The following ARHGAP26 variants were observed in gnomAD, a reference collection of about 807,000 sequenced individuals.
ARHGAP26 encodes rho GTPase-activating protein 26.
A neutral mutation model predicts 104.8 loss-of-function variants in ARHGAP26; 38 were observed. That is an observed-to-expected ratio of 0.36 (90% confidence interval 0.28 to 0.48). The LOEUF (loss-of-function observed/expected upper bound fraction) is 0.48, where lower values mean the gene tolerates loss of function less well. ARHGAP26 is among the 20% of genes least tolerant of loss of function. ARHGAP26 has a pLI of 0.99. For synonymous variants in ARHGAP26, 341 were observed against 340.0 expected, an observed-to-expected ratio of 1.00 and a Z score of -0.03; for missense variants, 704 against 947.9, an observed-to-expected ratio of 0.74 and a Z score of 3.38.
intron 20 of ARHGAP26, among the ~76,000 whole-genome samples, chr5:143,155,205 G>A (rs1243077770): frequency 6.6e-6 from 1 of 152,194 alleles, no homozygotes; most frequent in Non-Finnish European, 1.5e-5. Context: ...TGCCCTTGGG[G>A]ATTCCAGCTT....
chr5:143,206,933 TG>T (rs1709271590), intron 20 of ARHGAP26, among the ~76,000 whole-genome samples: 3 of 152,252 alleles, frequency 2.0e-5, no homozygotes, highest in Admixed American at 6.5e-5. Context: ...CCAATGTACA[TG>T]ATCGAAGAAG....
At chr5:142,784,661 G>A (rs760771190) in intron 1 of ARHGAP26, among the ~76,000 whole-genome samples, 2 of 152,154 alleles carry the variant, frequency 1.3e-5, no homozygotes, top group Non-Finnish European at 2.9e-5. Context: ...TGGGCAGCAT[G>A]GGGGTAGGCG....
intron 20 of ARHGAP26, among the ~76,000 whole-genome samples, chr5:143,156,387 T>G (rs1800463850): frequency 6.6e-6 from 1 of 152,220 alleles, no homozygotes; most frequent in East Asian, 1.9e-4. Context: ...TGGTCTCTGT[T>G]ACACTGGTCT....
chr5:143,105,391 A>AAATAAATAAATG (rs1425726132), intron 17 of ARHGAP26, among the ~76,000 whole-genome samples: 1 of 145,408 alleles, frequency 6.9e-6, no homozygotes, highest in Admixed American at 6.7e-5. Flanking sequence ...ATAAATAAAT[A>AAATAAATAAATG]AATAAATAAA....
chr5:142,969,860 C>T (rs560998143), intron 11 of ARHGAP26, among the ~76,000 whole-genome samples: 2 of 152,256 alleles, frequency 1.3e-5, no homozygotes, highest in African/African-American at 2.4e-5. Context: ...TGCATAGTCT[C>T]TTTGCTCTTT....
intron 20 of ARHGAP26, among the ~76,000 whole-genome samples, chr5:143,189,419 A>G (rs1599431871): frequency 6.6e-6 from 1 of 152,010 alleles, no homozygotes; most frequent in African/African-American, 2.4e-5. Context: ...TCCAAATTAC[A>G]CCCACACACC....
chr5:143,147,559 G>T, intron 20 of ARHGAP26, 178 bp downstream of exon 20: 1 of 647,866 alleles, frequency 1.5e-6, no homozygotes. Context: ...CATCATCTCA[G>T]AGGGAGTCGT....
At chr5:143,183,025 T>G (rs1003182151) in intron 20 of ARHGAP26, among the ~76,000 whole-genome samples, 1 of 150,960 alleles carries the variant, frequency 6.6e-6, no homozygotes, top group East Asian at 1.9e-4. Flanking sequence ...GGTTAGCTGC[T>G]TTGGTTTTAG....
At chr5:143,103,637 G>C (rs541713971) in intron 17 of ARHGAP26, among the ~76,000 whole-genome samples, 1 of 152,118 alleles carries the variant, frequency 6.6e-6, no homozygotes, top group Non-Finnish European at 1.5e-5. Context: ...ATAAGTTCAT[G>C]TCCTTTGCAG....
intron 19 of ARHGAP26, among the ~76,000 whole-genome samples, chr5:143,138,497 A>T (rs1306739600): frequency 6.6e-6 from 1 of 152,240 alleles, no homozygotes; most frequent in Non-Finnish European, 1.5e-5. Context: ...CAGTCAAGGA[A>T]GGTTTTCTGA....
chr5:143,216,522 C>T (rs1213701111), intron 22 of ARHGAP26: 10 of 318,876 alleles, frequency 3.1e-5, no homozygotes, highest in East Asian at 7.8e-5. Context: ...ATGACCTGCC[C>T]GTCAAATCCA....
intron 1 of ARHGAP26, among the ~76,000 whole-genome samples, chr5:142,819,675 A>G (rs918415878): frequency 2.6e-5 from 4 of 152,236 alleles, no homozygotes; most frequent in Admixed American, 6.5e-5. Flanking sequence ...CAGTGACACA[A>G]TGTTTTATAC....
intron 1 of ARHGAP26, among the ~76,000 whole-genome samples, chr5:142,778,671 G>A (rs1483092731): frequency 6.6e-6 from 1 of 152,230 alleles, no homozygotes; most frequent in African/African-American, 2.4e-5. Flanking sequence ...GCGTGCTGCA[G>A]TGATTATTTG....
chr5:142,856,729 A>G (rs1313366852), intron 1 of ARHGAP26, among the ~76,000 whole-genome samples: 1 of 152,176 alleles, frequency 6.6e-6, no homozygotes, highest in Non-Finnish European at 1.5e-5. Context: ...TTTACATTGT[A>G]TTAGGTATTG....
intron 10 of ARHGAP26, among the ~76,000 whole-genome samples, chr5:142,923,477 C>T (rs1250284353): frequency 6.6e-6 from 1 of 152,074 alleles, no homozygotes; most frequent in African/African-American, 2.4e-5. Flanking sequence ...ATAGTAGTAA[C>T]AGGTATTTGC....
intron 17 of ARHGAP26, among the ~76,000 whole-genome samples, chr5:143,063,997 A>T (rs750731506): frequency 6.6e-6 from 1 of 152,224 alleles, no homozygotes. Context: ...TTACAAACGA[A>T]GCCCATGGCC....
chr5:143,132,299 C>T (rs1394956510), intron 18 of ARHGAP26, among the ~76,000 whole-genome samples: 1 of 151,620 alleles, frequency 6.6e-6, no homozygotes, highest in Non-Finnish European at 1.5e-5. Context: ...CTTTTGAGTT[C>T]TGTTTTTAAA....
At chr5:142,808,258 AAAAAAAAAAAAAAAAAAAT>A (rs1398726957) in intron 1 of ARHGAP26, among the ~76,000 whole-genome samples, 4 of 142,456 alleles carry the variant, frequency 2.8e-5, no homozygotes, top group African/African-American at 1.2e-4. Context: ...AAAAAAAAAA[AAAAAAAAAAAAAAAAAAAT>A]GTTGTATTTT....
At chr5:142,826,013 T>A (rs1767185184) in intron 1 of ARHGAP26, among the ~76,000 whole-genome samples, 1 of 152,228 alleles carries the variant, frequency 6.6e-6, no homozygotes. Flanking sequence ...CTAGATTTTC[T>A]TATCGATTTG....
Sources: gnomAD v4.1 joint callset for allele counts (sites outside exome capture counted in the v4.1 genomes callset) on GRCh38, gnomAD v4.1.1 for gene constraint, MANE v1.5 for transcripts, NCBI Gene and HGNC (gene_info 2026-07-23, HGNC 2026-07-21) for gene names.